Variants in DNM1 observed in about 807,000 individuals in gnomAD.
DNM1 encodes the protein dynamin-1.
DNM1 carries 29 observed loss-of-function variants against 104.6 expected under a neutral mutation model. The ratio of observed to expected loss-of-function variants is 0.28; its 90% CI spans 0.21 to 0.38. The LOEUF is 0.38. Ranked by LOEUF, DNM1 falls within the 10% of genes least tolerant of loss-of-function variation. The pLI, the probability that DNM1 is intolerant of heterozygous loss-of-function variation, is 1.00. For missense variants in DNM1, 640 were observed against 1,189.4 expected (o/e 0.54, Z 6.79); for synonymous variants, 445 against 475.8 (o/e 0.94, Z 0.84).
chr9:128,213,849 G>A (rs1227193419), intron 1 of DNM1, among the ~76,000 whole-genome samples: 1 of 152,118 alleles, frequency 6.6e-6, no homozygotes, highest in Non-Finnish European at 1.5e-5. Flanking sequence ...GAACATCAAG[G>A]AAAGCCAAGG....
Position 128,250,111 on chromosome 9 carries a change from G to T in DNM1, c.2077-4G>T, listed in dbSNP as rs367567309. ...CACCTCCTTCCCTCTTTGCCTACTCGCAGACCAAGGAGTTCATCTTCTCGG... is the reference window on the plus strand; with the variant it reads ...CACCTCCTTCCCTCTTTGCCTACTCTCAGACCAAGGAGTTCATCTTCTCGG... On this transcript the variant is annotated splice_region_variant and splice_polypyrimidine_tract_variant and intron_variant, in intron 19 of 21. Transcript: ENST00000372923. The T allele has an allele frequency of 1.9e-6, 3 of 1,613,884 alleles. No homozygotes were observed. The highest frequency in any genetic ancestry group is 1.1e-5 in the South Asian group (1 of 91,074).
intron 11 of DNM1, among the ~76,000 whole-genome samples, chr9:128,236,480 G>T (rs1051840519): frequency 6.6e-6 from 1 of 152,058 alleles, no homozygotes; most frequent in Admixed American, 6.5e-5. Flanking sequence ...AATCAGTATC[G>T]AAGTGGTTAA....
chr9:128,212,236 G>A (rs1834345215), intron 1 of DNM1, among the ~76,000 whole-genome samples: 2 of 152,220 alleles, frequency 1.3e-5, no homozygotes, highest in Non-Finnish European at 2.9e-5. Context: ...TTCACTGGTG[G>A]GCAAACTGAG....
At chr9:128,223,584 C>A (rs140397013) in intron 9 of DNM1, 1 of 152,288 alleles carries the variant, frequency 6.6e-6, no homozygotes, top group East Asian at 1.9e-4. Context: ...GAAAAAAGAT[C>A]TCTTTCCTAG....
chr9:128,247,111 C>T lies in DNM1; in HGVS notation c.1782-264C>T, dbSNP rs996346848. ...TAGAGACTTCACTGACTATGGTTGT[C>T]CTCTTGTCAAAGGTCCAGTCCCCTT... is the stretch of plus-strand genomic sequence containing the variant. On this transcript the variant is annotated intron_variant, in intron 16 of 21. Transcript: ENST00000372923. The surrounding 1 kb of genome is among the most constrained non-coding windows in gnomAD (Gnocchi z 5.1). The T allele has an allele frequency of 1.2e-5, 4 of 347,512 alleles. No individual in the cohort carries two copies. Among genetic ancestry groups the T allele is most frequent in the African/African-American group, 8.2e-5 (4 of 48,556 alleles). 21.5% of individuals were successfully genotyped at this position (347,512 alleles called of 1,614,324 possible).
intron 10 of DNM1, among the ~76,000 whole-genome samples, chr9:128,229,600 CAAAAAAA>C (rs56072236): frequency 3.0e-5 from 2 of 66,674 alleles, no homozygotes; most frequent in Admixed American, 2.2e-4. Flanking sequence ...AAAACCTTAT[CAAAAAAA>C]AAAAAAAAAA....
rs1399694462 is a variant in DNM1, at chr9:128,220,700, A to G, written c.849+359A>G. 6.8e-6 allele frequency among the ~76,000 whole-genome samples: 1 copy of G among 147,112 alleles called. No homozygotes were observed. The highest frequency in any genetic ancestry group is 6.8e-5 in the Admixed American group (1 of 14,724). ...AGGGGCTTCCCCAGGACTTTTCTCC[A>G]TCTGGAATGGGGCATCCAGAACTGA... On this transcript the variant is annotated intron_variant, in intron 6 of 21. Coordinates refer to ENST00000372923, the MANE Select transcript of DNM1 (RefSeq NM_004408.4). The surrounding 1 kb of genome is among the most constrained non-coding windows in gnomAD (Gnocchi z 5.2).
Position 128,234,062 on chromosome 9 carries a change from C to A in DNM1, c.1377C>A (p.Ile459=). 1 of 1,579,426 alleles carries A rather than the reference C, an allele frequency of 6.3e-7. No homozygotes were observed. Among genetic ancestry groups the A allele is most frequent in the East Asian group, 2.4e-5 (1 of 42,538 alleles). Residue 459 remains isoleucine (I), a synonymous_variant, in exon 11 of 22, where the codon ATC becomes ATA. Transcript: ENST00000372923. ...GGCTACGGGAGGAGATGGAGCGCAT[C>A]GTGACCACCCACATCCGGGAGCGCG... ...YPRLREEMER[I]VTTHIREREG...
At chr9:128,234,918 G>T (rs1449430295) in intron 11 of DNM1, 1 of 152,076 alleles carries the variant, frequency 6.6e-6, no homozygotes, top group East Asian at 1.9e-4. Context: ...TCAGCTTCCC[G>T]AGTAGCTGGA....
In DNM1 at chr9:128,248,502, T is replaced by TG; in HGVS notation, c.1906-79dup. ...TGTGCCTCAATATTCTGGGTACCCT[T>TG]GGAGGGGCTGAGATCCTGGGGATGC... On this transcript the variant is annotated intron_variant, in intron 18 of 21. Coordinates refer to ENST00000372923, the MANE Select transcript of DNM1 (RefSeq NM_004408.4). The surrounding 1 kb of genome is among the most constrained non-coding windows in gnomAD (Gnocchi z 5.6). 1 of 1,535,248 alleles carries TG rather than the reference T, an allele frequency of 6.5e-7. No homozygotes were observed. The highest frequency in any genetic ancestry group is 8.9e-7 in the Non-Finnish European group (1 of 1,125,634).
intron 1 of DNM1, among the ~76,000 whole-genome samples, chr9:128,208,548 A>G (rs565953966): frequency 8.5e-4 from 129 of 152,308 alleles, no homozygotes; most frequent in African/African-American, 3.0e-3. Flanking sequence ...GATGGAGGCC[A>G]AAGTCTATTA....
chr9:128,235,183 G>A (rs1835935617), intron 11 of DNM1, among the ~76,000 whole-genome samples: 2 of 151,984 alleles, frequency 1.3e-5, no homozygotes, highest in African/African-American at 2.4e-5. Context: ...AGGACCATCC[G>A]TATTGTAGCA....
Position 128,254,469 on chromosome 9 carries a change from C to A in DNM1, c.2535-185C>A. The A allele has an allele frequency of 6.7e-7, 1 of 1,494,060 alleles. No homozygotes were observed. Among genetic ancestry groups the A allele is most frequent in the Non-Finnish European group, 8.8e-7 (1 of 1,130,172 alleles). The allele number at this position is 1,494,060 out of a possible 1,614,324, so 92.6% of individuals were successfully genotyped here. On this transcript the variant is annotated intron_variant, in intron 21 of 21. Transcript: ENST00000372923. The surrounding 1 kb of genome is among the most constrained non-coding windows in gnomAD (Gnocchi z 6.1). ...AAGCTACGGCTCCTCCCTCCATCTT[C>A]CTCCCCTTTCCCTTCCAGCCCCTTT...
At chr9:128,210,847 CCTCCT>C (rs1834247477) in intron 1 of DNM1, among the ~76,000 whole-genome samples, 1 of 152,054 alleles carries the variant, frequency 6.6e-6, no homozygotes, top group Non-Finnish European at 1.5e-5. Flanking sequence ...CTCAGTGTCT[CCTCCT>C]CTCCTCTTCC....
intron 11 of DNM1, among the ~76,000 whole-genome samples, chr9:128,234,605 C>T (rs1293669398): frequency 6.6e-6 from 1 of 152,174 alleles, no homozygotes; most frequent in Non-Finnish European, 1.5e-5. Context: ...AACTCCTGAC[C>T]TCAAGTGATC....
chr9:128,227,428 C>A (rs112217371), intron 10 of DNM1, among the ~76,000 whole-genome samples: 34,405 of 126,624 alleles, frequency 0.27, 4,496 homozygotes, highest in Middle Eastern at 0.43. Flanking sequence ...GTTGCCTAGG[C>A]TGGAGTGCAG....
chr9:128,219,590 G>A (rs527463383), intron 4 of DNM1, among the ~76,000 whole-genome samples: 203 of 152,274 alleles, frequency 1.3e-3, no homozygotes, highest in African/African-American at 4.8e-3. Context: ...AATCACTTGA[G>A]CCCAGGAGGT....
intron 10 of DNM1, among the ~76,000 whole-genome samples, chr9:128,232,956 C>G (rs1391362989): frequency 1.3e-5 from 2 of 152,192 alleles, no homozygotes; most frequent in African/African-American, 4.8e-5. Flanking sequence ...AGTTGCCACC[C>G]AGTTGATTGG....
Position 128,247,990 on chromosome 9 carries a change from C to T in DNM1, c.1905+55C>T, listed in dbSNP as rs1042240637. ...AGGCATCTGCAGCCTGGCACCAGCT[C>T]CAGCCAGGTTTTCAAGCAAGGGACC... On this transcript the variant is annotated intron_variant, in intron 18 of 21. Transcript: ENST00000372923. This position sits in a 1 kb window ranked among gnomAD's most constrained non-coding sequence, Gnocchi z 5.1. 1.9e-6 allele frequency: 3 copies of T among 1,612,382 alleles called. No individual in the cohort carries two copies. Among genetic ancestry groups the T allele is most frequent in the Middle Eastern group, 1.7e-4 (1 of 6,056 alleles).
Sources: allele counts gnomAD v4.1 joint callset (sites outside exome capture counted in the v4.1 genomes callset), GRCh38; gene constraint gnomAD v4.1.1; non-coding constraint Gnocchi (gnomAD v3.1); transcripts MANE v1.5; gene names NCBI Gene and HGNC (gene_info 2026-07-23, HGNC 2026-07-21).